SOX5: variants seen among roughly 807,000 people sequenced by gnomAD.
SOX5 encodes the protein SRY-box transcription factor 5, also known as transcription factor SOX-5.
Under a neutral mutation model 92.0 loss-of-function variants are expected in SOX5, and 9 were observed. That is an observed-to-expected ratio of 0.10 (90% CI 0.06 to 0.17). The LOEUF (loss-of-function observed/expected upper bound fraction) is 0.17. SOX5 is among the 10% of genes least tolerant of loss of function. The pLI is 1.00. For missense variants in SOX5, 642 were observed against 944.5 expected (o/e 0.68, Z 4.20); for synonymous variants, 344 against 336.3 (o/e 1.02, Z -0.25).
intron 3 of SOX5, among the ~76,000 whole-genome samples, chr12:23,798,024 T>G (rs996295198): frequency 6.6e-6 from 1 of 152,044 alleles, no homozygotes; most frequent in African/African-American, 2.4e-5. Context: ...TTCAAGTCTT[T>G]TGTTCAAATG....
At chr12:24,341,967 C>A (rs1952628569) in intron 2 of SOX5, among the ~76,000 whole-genome samples, 2 of 152,140 alleles carry the variant, frequency 1.3e-5, no homozygotes, top group Non-Finnish European at 2.9e-5. Context: ...TTAACTAATC[C>A]CCAGTATTAA....
At chr12:24,060,211 G>A (rs1939395259) in intron 4 of SOX5, among the ~76,000 whole-genome samples, 1 of 152,202 alleles carries the variant, frequency 6.6e-6, no homozygotes, top group South Asian at 2.1e-4. Context: ...TTTGTGTCAT[G>A]TAACCTTCAC....
At chr12:24,011,104 T>C (rs1952878485) in intron 4 of SOX5, among the ~76,000 whole-genome samples, 2 of 152,292 alleles carry the variant, frequency 1.3e-5, no homozygotes, top group South Asian at 4.1e-4. Context: ...ATCATGACAA[T>C]GATACAGCAA....
chr12:24,090,346 C>T (rs1944494502), intron 4 of SOX5, among the ~76,000 whole-genome samples: 1 of 152,068 alleles, frequency 6.6e-6, no homozygotes, highest in Admixed American at 6.6e-5. Context: ...CTCACATTCA[C>T]TTACATTTCT....
chr12:24,525,331 G>A (rs980410083), intron 1 of SOX5, among the ~76,000 whole-genome samples: 8 of 152,140 alleles, frequency 5.3e-5, no homozygotes, highest in Non-Finnish European at 1.2e-4. Context: ...ATCTAAAATA[G>A]TCAAATTCCT....
intron 4 of SOX5, among the ~76,000 whole-genome samples, chr12:24,096,230 C>T (rs566416192): frequency 2.0e-5 from 3 of 152,168 alleles, no homozygotes; most frequent in East Asian, 1.9e-4. Flanking sequence ...AACCCATCAT[C>T]GACATTGGGT....
At chr12:23,743,460 C>T (rs969024160) in intron 4 of SOX5, among the ~76,000 whole-genome samples, 1 of 152,074 alleles carries the variant, frequency 6.6e-6, no homozygotes, top group African/African-American at 2.4e-5. Flanking sequence ...CAGGCGCATG[C>T]CACCATGCCT....
intron 2 of SOX5, among the ~76,000 whole-genome samples, chr12:24,316,720 A>T (rs373085407): frequency 6.6e-6 from 1 of 152,328 alleles, no homozygotes; most frequent in East Asian, 1.9e-4. Context: ...TTTAGAGAGA[A>T]ATTAAATTTT....
At chr12:24,074,690 G>T (rs1592913501) in intron 4 of SOX5, among the ~76,000 whole-genome samples, 2 of 128,992 alleles carry the variant, frequency 1.6e-5, no homozygotes, top group East Asian at 2.4e-4. Flanking sequence ...TTTTTCACAT[G>T]AACAAAATTT....
intron 4 of SOX5, among the ~76,000 whole-genome samples, chr12:24,201,450 G>T (rs772715512): frequency 1.8e-4 from 27 of 152,048 alleles, no homozygotes; most frequent in Non-Finnish European, 7.4e-5. Flanking sequence ...TGAATACCCT[G>T]GTCTACAGTG....
At chr12:24,235,267 T>C (rs927454991) in intron 3 of SOX5, among the ~76,000 whole-genome samples, 2 of 152,224 alleles carry the variant, frequency 1.3e-5, no homozygotes, top group African/African-American at 4.8e-5. Flanking sequence ...CTCAGAGGCA[T>C]AGAGTAATAA....
intron 3 of SOX5, among the ~76,000 whole-genome samples, chr12:23,825,495 T>A (rs2096213530): frequency 6.6e-6 from 1 of 152,204 alleles, no homozygotes; most frequent in Non-Finnish European, 1.5e-5. Context: ...GGATGGGAGC[T>A]GCAGACGGGA....
At chr12:24,115,811 T>C (rs1042934446) in intron 4 of SOX5, among the ~76,000 whole-genome samples, 2 of 152,194 alleles carry the variant, frequency 1.3e-5, no homozygotes, top group Non-Finnish European at 2.9e-5. Context: ...ATATAAATAA[T>C]TGTGTTTTCA....
chr12:24,370,778 C>A (rs1195076856), intron 1 of SOX5, among the ~76,000 whole-genome samples: 2 of 152,124 alleles, frequency 1.3e-5, no homozygotes, highest in African/African-American at 4.8e-5. Flanking sequence ...GATGACAGAA[C>A]AAGATTCTGT....
upstream of SOX5, chr12:23,951,095 G>GA (rs1456416515): frequency 1.1e-4 from 53 of 475,508 alleles, 1 homozygote; most frequent in African/African-American, 1.7e-4. Context: ...GGAAAGAGAG[G>GA]AAAAAAAAGC....
chr12:23,747,481 G>A (rs2094027259), intron 4 of SOX5, among the ~76,000 whole-genome samples: 1 of 152,066 alleles, frequency 6.6e-6, no homozygotes, highest in African/African-American at 2.4e-5. Context: ...AGCCCTGAAT[G>A]GTGTGGCCCT....
intron 13 of SOX5, among the ~76,000 whole-genome samples, chr12:23,541,839 G>A (rs1176878421): frequency 1.3e-5 from 2 of 152,140 alleles, no homozygotes; most frequent in African/African-American, 4.8e-5. Flanking sequence ...GGCCGGGCGT[G>A]GTGGCTCATG....
chr12:23,603,310 A>T (rs571906447), intron 9 of SOX5, among the ~76,000 whole-genome samples: 1 of 151,310 alleles, frequency 6.6e-6, no homozygotes, highest in Admixed American at 6.6e-5. Flanking sequence ...ATATTTTCTA[A>T]TCCTTTTCTC....
At chr12:24,406,888 G>T (rs1236598972) in intron 1 of SOX5, among the ~76,000 whole-genome samples, 1 of 152,188 alleles carries the variant, frequency 6.6e-6, no homozygotes, top group Non-Finnish European at 1.5e-5. Context: ...TTCCTAAGTT[G>T]TGCTTGTTCA....
Sources: gnomAD v4.1 joint callset for allele counts (sites outside exome capture counted in the v4.1 genomes callset) on GRCh38, gnomAD v4.1.1 for gene constraint, MANE v1.5 for transcripts, NCBI Gene and HGNC (gene_info 2026-07-23, HGNC 2026-07-21) for gene names.